CNTNAP3B: variants seen among roughly 807,000 people sequenced by gnomAD.
CNTNAP3B encodes contactin-associated protein-like 3B.
Under a neutral mutation model 108.9 loss-of-function variants are expected in CNTNAP3B, and 25 were observed. That is an observed-to-expected ratio of 0.23 (90% CI 0.17 to 0.32). The LOEUF (loss-of-function observed/expected upper bound fraction) is 0.32. CNTNAP3B is among the 10% of genes least tolerant of loss of function. The probability of loss-of-function intolerance (pLI) is 1.00; values close to 1 mark genes in which losing one functional copy is unlikely to be tolerated. For missense variants in CNTNAP3B, 252 were observed against 1,210.4 expected (o/e 0.21, Z 11.75); for synonymous variants, 103 against 473.4 (o/e 0.22, Z 10.16).
At chr9:42,064,727 T>A (rs1240846678) in intron 3 of CNTNAP3B, among the ~76,000 whole-genome samples, 3 of 135,198 alleles carry the variant, frequency 2.2e-5, no homozygotes, top group African/African-American at 8.9e-5. Flanking sequence ...GTTCCTATGT[T>A]AATTCACTTG....
At chr9:41,940,793 C>T (rs1344784503) in intron 13 of CNTNAP3B, among the ~76,000 whole-genome samples, 6 of 152,126 alleles carry the variant, frequency 3.9e-5, no homozygotes, top group East Asian at 1.9e-4. Flanking sequence ...CCAGCCAGGG[C>T]GACAGAGTGA....
intron 2 of CNTNAP3B, among the ~76,000 whole-genome samples, chr9:42,080,097 A>C (rs1197634737): frequency 1.5e-5 from 2 of 132,634 alleles, no homozygotes; most frequent in Non-Finnish European, 3.2e-5. Flanking sequence ...GTGGAGAAGC[A>C]CAAGGAGGAA....
chr9:42,103,674 G>C (rs1400271458), intron 2 of CNTNAP3B, among the ~76,000 whole-genome samples: 2 of 94,824 alleles, frequency 2.1e-5, no homozygotes, highest in Non-Finnish European at 4.4e-5. Flanking sequence ...GGCAGAGCTT[G>C]CAGTGAGCTG....
At chr9:41,965,108 T>C (rs1825229871) in intron 10 of CNTNAP3B, among the ~76,000 whole-genome samples, 1 of 152,286 alleles carries the variant, frequency 6.6e-6, no homozygotes, top group Non-Finnish European at 1.5e-5. Context: ...TTAATTTAGG[T>C]CATCTTGTCG....
At chr9:42,079,721 C>A (rs1424717856) in intron 2 of CNTNAP3B, among the ~76,000 whole-genome samples, 1 of 137,658 alleles carries the variant, frequency 7.3e-6, no homozygotes, top group African/African-American at 2.9e-5. Flanking sequence ...GGGGTTTCAC[C>A]ACGTTGGCCA....
chr9:42,055,982 G>T, intron 3 of CNTNAP3B, among the ~76,000 whole-genome samples: 1 of 108,998 alleles, frequency 9.2e-6, no homozygotes, highest in African/African-American at 3.7e-5. Context: ...AGTTCTGCGA[G>T]GATTTTAATA....
intron 10 of CNTNAP3B, among the ~76,000 whole-genome samples, chr9:41,967,431 C>A (rs1345174347): frequency 6.6e-6 from 1 of 151,272 alleles, no homozygotes; most frequent in Non-Finnish European, 1.5e-5. Context: ...GAGGTCTCCC[C>A]AGCCATGTGG....
chr9:42,086,641 C>T (rs867418088), intron 2 of CNTNAP3B, among the ~76,000 whole-genome samples: 1,719 of 90,208 alleles, frequency 0.019, 46 homozygotes, highest in African/African-American at 0.085. Context: ...CACTGGGTTT[C>T]GCCATGTTGG....
At chr9:42,116,405 T>C (rs1449520457) in intron 1 of CNTNAP3B, among the ~76,000 whole-genome samples, 1 of 130,090 alleles carries the variant, frequency 7.7e-6, no homozygotes, top group Non-Finnish European at 1.6e-5. Context: ...AACCCAGAAT[T>C]TCATATCCAG....
At chr9:41,947,544 G>C (rs1380138684) in intron 13 of CNTNAP3B, among the ~76,000 whole-genome samples, 1 of 152,188 alleles carries the variant, frequency 6.6e-6, no homozygotes, top group African/African-American at 2.4e-5. Context: ...GTAAAACTGT[G>C]TTGATAGGGA....
intron 12 of CNTNAP3B, among the ~76,000 whole-genome samples, chr9:41,954,796 G>A (rs1017429866): frequency 3.3e-5 from 5 of 152,250 alleles, no homozygotes; most frequent in African/African-American, 9.6e-5. Flanking sequence ...CAGTTCTCCT[G>A]TCTCAGCCTC....
chr9:41,949,839 C>T (rs1480574569), intron 13 of CNTNAP3B, among the ~76,000 whole-genome samples: 2 of 151,900 alleles, frequency 1.3e-5, no homozygotes, highest in African/African-American at 4.8e-5. Context: ...TTAGAATTGA[C>T]ACGATGTGTA....
At chr9:42,075,243 C>A (rs1276621724) in intron 3 of CNTNAP3B, among the ~76,000 whole-genome samples, 6 of 146,898 alleles carry the variant, frequency 4.1e-5, no homozygotes, top group Non-Finnish European at 6.0e-5. Context: ...AACTTGATTA[C>A]CTCTGTAAAA....
At position 42,113,278 on chromosome 9, in the gene CNTNAP3B, AT is replaced by A. The variant is rs552722023; in HGVS notation, c.86-8540del. 4.6e-3 allele frequency among the ~76,000 whole-genome samples: 618 copies of A among 135,672 alleles called. 37 individuals carry two copies. The highest frequency in any genetic ancestry group is 7.0e-3 in the Non-Finnish European group (449 of 63,952). 89.0% of individuals were successfully genotyped at this position (135,672 alleles called of 152,430 possible). A position where few individuals can be genotyped will look rare whatever the true frequency, so the allele number is the denominator to read the frequency against. On this transcript the variant is annotated intron_variant, in intron 1 of 23. Coordinates refer to ENST00000377561, the MANE Select transcript of CNTNAP3B (RefSeq NM_001201380.3). ...GAAACACAGAAGGGATTCAACATAG[AT>A]CAGCTCCTTTTCCCTGAGGAAGCTG... is the stretch of plus-strand genomic sequence containing the variant.
Position 41,944,623 on chromosome 9 carries a change from G to A in CNTNAP3B, c.2081-6223C>T, listed in dbSNP as rs1277688164. 5.3e-5 allele frequency among the ~76,000 whole-genome samples: 8 copies of A among 151,746 alleles called. No homozygotes were observed. In the South Asian group the frequency reaches 1.0e-3, roughly 20 times the overall value. On this transcript the variant is annotated intron_variant, in intron 13 of 23. Coordinates refer to ENST00000377561, the MANE Select transcript of CNTNAP3B (RefSeq NM_001201380.3). ...CAAAAAATGTGAGAGGGGAATTCAG[G>A]AAAAAAAGAAGAAACAAGGGCAACA...
intron 10 of CNTNAP3B, among the ~76,000 whole-genome samples, chr9:41,968,188 G>A: frequency 6.6e-6 from 1 of 151,376 alleles, no homozygotes; most frequent in Non-Finnish European, 1.5e-5. Flanking sequence ...CATATTTTGT[G>A]AGTAATTAAC....
At position 42,107,851 on chromosome 9, in the gene CNTNAP3B, C is replaced by T. The variant is rs1184522526; in HGVS notation, c.86-3112G>A. 1.5e-5 allele frequency among the ~76,000 whole-genome samples: 2 copies of T among 129,468 alleles called. 1 individual carries two copies. The highest frequency in any genetic ancestry group is 6.3e-5 in the African/African-American group (2 of 31,784). The allele number at this position is 129,468 out of a possible 152,430, so 84.9% of individuals were successfully genotyped here. On this transcript the variant is annotated intron_variant, in intron 1 of 23. Coordinates refer to ENST00000377561, the MANE Select transcript of CNTNAP3B (RefSeq NM_001201380.3). ...TTAGCTGGGCATGGTGGCACGTGCCCATAGTCCCAGCTTCCCAGGAGGCTG... is the reference window on the plus strand; with the variant it reads ...TTAGCTGGGCATGGTGGCACGTGCCTATAGTCCCAGCTTCCCAGGAGGCTG...
At chr9:41,943,918 A>G (rs1824445413) in intron 13 of CNTNAP3B, among the ~76,000 whole-genome samples, 1 of 152,270 alleles carries the variant, frequency 6.6e-6, no homozygotes, top group African/African-American at 2.4e-5. Flanking sequence ...AAATCTTTTA[A>G]AAATAAAATC....
chr9:41,921,003 T>C (rs1823652281), intron 17 of CNTNAP3B, among the ~76,000 whole-genome samples: 2 of 152,304 alleles, frequency 1.3e-5, no homozygotes, highest in Admixed American at 6.5e-5. Context: ...CAAACACCAT[T>C]ATGAAGGCGA....
Sources: allele counts gnomAD v4.1 joint callset (sites outside exome capture counted in the v4.1 genomes callset), GRCh38; gene constraint gnomAD v4.1.1; transcripts MANE v1.5; gene names NCBI Gene and HGNC (gene_info 2026-07-23, HGNC 2026-07-21).